TMPRSS15: variants seen among roughly 807,000 people sequenced by gnomAD.
TMPRSS15 encodes enteropeptidase.
A neutral mutation model predicts 125.3 loss-of-function variants in TMPRSS15; 128 were observed. That is an observed-to-expected ratio of 1.02 (90% CI 0.89 to 1.18). The LOEUF (loss-of-function observed/expected upper bound fraction) is 1.18. Among genes scored for constraint, TMPRSS15 ranks in the 50% most tolerant of loss-of-function variants. The pLI is 0.00. For missense variants in TMPRSS15, 1,283 were observed against 1,212.7 expected (o/e 1.06, Z -0.86); for synonymous variants, 446 against 423.2 (o/e 1.05, Z -0.66).
intron 12 of TMPRSS15, among the ~76,000 whole-genome samples, chr21:18,342,761 G>A (rs755953379): frequency 1.3e-5 from 2 of 152,152 alleles, no homozygotes; most frequent in Admixed American, 6.5e-5. Context: ...GGAGGAAAAC[G>A]GTTGAGAGTC....
intron 16 of TMPRSS15, 127 bp from the exon 17 acceptor site, chr21:18,315,383 G>C: frequency 1.4e-6 from 1 of 737,768 alleles, no homozygotes. Flanking sequence ...AACCAGCTTT[G>C]ATACTGAGTA....
intron 3 of TMPRSS15, among the ~76,000 whole-genome samples, chr21:18,396,808 G>GTCTGTCTA (rs1461927983): frequency 6.9e-4 from 74 of 107,740 alleles, no homozygotes; most frequent in African/African-American, 1.4e-3. Flanking sequence ...CTGTCTGTCT[G>GTCTGTCTA]TCTATCTATC....
Position 18,320,219 on chromosome 21 carries a change from A to G in TMPRSS15, c.1922-4963T>C, listed in dbSNP as rs535256399. On this transcript the variant is annotated intron_variant, in intron 16 of 24. Coordinates refer to ENST00000284885, the MANE Select transcript of TMPRSS15 (RefSeq NM_002772.3). ...CTTAAATGTAGGTAGAAGTGTTTGT[A>G]TTCATATATTCTGTCTTAAATATAT... Among the ~76,000 whole-genome samples the G allele has an allele frequency of 9.2e-5, 14 of 152,186 alleles. No homozygotes were observed. The South Asian group carries it at 2.9e-3, about 32-fold the overall frequency.
Position 18,365,308 on chromosome 21 carries a change from A to T in TMPRSS15, c.665-60T>A. 3 of 1,292,778 alleles carry T rather than the reference A, an allele frequency of 2.3e-6. No homozygotes were observed. In the Admixed American group the frequency reaches 5.0e-5, roughly 22 times the overall value. The allele number at this position is 1,292,778 out of a possible 1,614,324, so 80.1% of individuals were successfully genotyped here. On this transcript the variant is annotated intron_variant, in intron 6 of 24. Coordinates refer to ENST00000284885, the MANE Select transcript of TMPRSS15 (RefSeq NM_002772.3). ...CAATCTTGGGATTCAAATTGGCTGC[A>T]AAACATTTCACAGAATATTCATGGC... is the stretch of plus-strand genomic sequence containing the variant.
intron 18 of TMPRSS15, among the ~76,000 whole-genome samples, chr21:18,303,868 C>T (rs946510085): frequency 4.6e-5 from 7 of 151,988 alleles, no homozygotes; most frequent in South Asian, 4.2e-4. Flanking sequence ...AGCCAAAATA[C>T]GAATGAAAGA....
chr21:18,463,698 A>T (rs941766001), intron 1 of TMPRSS15, among the ~76,000 whole-genome samples: 3 of 152,160 alleles, frequency 2.0e-5, no homozygotes, highest in Non-Finnish European at 2.9e-5. Flanking sequence ...CATAATTGGA[A>T]GTAAAACACT....
In TMPRSS15 at chr21:18,397,070, C is replaced by T. The variant is rs1191155320; in HGVS notation, c.344+809G>A. Among the ~76,000 whole-genome samples the T allele has an allele frequency of 2.0e-5, 3 of 152,084 alleles. No individual in the cohort carries two copies. The East Asian group carries it at 5.8e-4, about 29-fold the overall frequency. ...ACTTTTTTTTCTTGGAATCCTCTCC[C>T]TTTGTCTTTTTCATTTTTAACTTAA... is the stretch of plus-strand genomic sequence containing the variant. On this transcript the variant is annotated intron_variant, in intron 3 of 24. Transcript: ENST00000284885.
At chr21:18,460,187 A>G (rs971305232) in intron 1 of TMPRSS15, among the ~76,000 whole-genome samples, 3 of 152,168 alleles carry the variant, frequency 2.0e-5, no homozygotes, top group Non-Finnish European at 4.4e-5. Context: ...CTCTAGAGCA[A>G]TATGGAAAAT....
In TMPRSS15 at chr21:18,281,077, A is replaced by G. The variant is rs945758076; in HGVS notation, c.2631T>C (p.Ile877=). 6.2e-7 allele frequency: 1 copy of G among 1,613,804 alleles called. No homozygotes were observed. Residue 877 remains isoleucine, a synonymous_variant, in exon 22 of 25, where the codon ATT becomes ATC. Transcript: ENST00000284885. ...CTTTAAATTCCAGATGCATCATGGC[A>G]ATGTCGTTGTCCTTTCTTCGCCTAT... ...HYNRRRKDND[I]AMMHLEFKVN...
At chr21:18,435,342 G>C (rs888063218) in intron 1 of TMPRSS15, among the ~76,000 whole-genome samples, 3 of 152,176 alleles carry the variant, frequency 2.0e-5, no homozygotes, top group Non-Finnish European at 2.9e-5. Context: ...TAGCATGAAT[G>C]GTTGTTGAAT....
At chr21:18,376,377 T>A (rs1159222284) in intron 5 of TMPRSS15, among the ~76,000 whole-genome samples, 1 of 152,094 alleles carries the variant, frequency 6.6e-6, no homozygotes, top group Non-Finnish European at 1.5e-5. Flanking sequence ...AAAGAACGAT[T>A]CCTAAAGTCA....
At chr21:18,432,885 C>G (rs1311035905) in intron 1 of TMPRSS15, among the ~76,000 whole-genome samples, 1 of 152,098 alleles carries the variant, frequency 6.6e-6, no homozygotes, top group Non-Finnish European at 1.5e-5. Flanking sequence ...TTATACTCAT[C>G]AATCATGATG....
chr21:18,449,354 A>G (rs1378275219), intron 1 of TMPRSS15, among the ~76,000 whole-genome samples: 1 of 152,132 alleles, frequency 6.6e-6, no homozygotes, highest in Non-Finnish European at 1.5e-5. Flanking sequence ...CCCAGAGTTG[A>G]AGTTACATGT....
At chr21:18,297,644 T>C in intron 19 of TMPRSS15, 90 bp downstream of exon 19, 1 of 885,776 alleles carries the variant, frequency 1.1e-6, no homozygotes, top group Non-Finnish European at 1.9e-6. Context: ...ATGACCAGTA[T>C]GTAATAGCAT....
chr21:18,406,832 T>C (rs770153783), upstream of TMPRSS15, among the ~76,000 whole-genome samples: 1 of 152,120 alleles, frequency 6.6e-6, no homozygotes, highest in Non-Finnish European at 1.5e-5. Flanking sequence ...ACATTCATTA[T>C]AATACAATTA....
chr21:18,404,185 T>C (rs769228521), upstream of TMPRSS15, among the ~76,000 whole-genome samples: 5 of 152,230 alleles, frequency 3.3e-5, no homozygotes, highest in Non-Finnish European at 5.9e-5. Flanking sequence ...CATATACATA[T>C]ACATGTATTC....
At chr21:18,340,709 C>G (rs910423890) in intron 13 of TMPRSS15, among the ~76,000 whole-genome samples, 1 of 152,016 alleles carries the variant, frequency 6.6e-6, no homozygotes, top group African/African-American at 2.4e-5. Context: ...TCAGATTTAA[C>G]TAAACTCTTA....
chr21:18,363,685 T>C (rs953146695), intron 7 of TMPRSS15, among the ~76,000 whole-genome samples: 1 of 152,134 alleles, frequency 6.6e-6, no homozygotes, highest in African/African-American at 2.4e-5. Context: ...TAGACATTTA[T>C]AAATGCTTCT....
upstream of TMPRSS15, among the ~76,000 whole-genome samples, chr21:18,405,042 G>A (rs944462023): frequency 3.9e-5 from 6 of 152,018 alleles, no homozygotes; most frequent in East Asian, 1.9e-4. Flanking sequence ...TACAAAAAGC[G>A]CCTCTTGAAT....
Sources: gnomAD v4.1 joint callset for allele counts (sites outside exome capture counted in the v4.1 genomes callset) on GRCh38, gnomAD v4.1.1 for gene constraint, MANE v1.5 for transcripts, NCBI Gene and HGNC (gene_info 2026-07-23, HGNC 2026-07-21) for gene names.